Variants in LRP1B observed in about 807,000 individuals in gnomAD.
LRP1B encodes the protein LDL receptor related protein 1B.
Under a neutral mutation model 556.6 loss-of-function variants are expected in LRP1B, and 217 were observed. The ratio of observed to expected loss-of-function variants is 0.39; its 90% CI spans 0.35 to 0.44. The LOEUF (loss-of-function observed/expected upper bound fraction) is 0.44. Among genes scored for constraint, LRP1B ranks in the 20% least tolerant of loss-of-function variants. The pLI, the probability that LRP1B is intolerant of heterozygous loss-of-function variation, is 1.00. For missense variants in LRP1B, 5,053 were observed against 5,620.8 expected, an observed-to-expected ratio of 0.90 and a Z score of 3.23; for synonymous variants, 2,047 against 1,865.8, an observed-to-expected ratio of 1.10 and a Z score of -2.50.
chr2:140,688,897 A>G (rs1211287251), intron 41 of LRP1B, among the ~76,000 whole-genome samples: 1 of 152,178 alleles, frequency 6.6e-6, no homozygotes, highest in Non-Finnish European at 1.5e-5. Context: ...CCAGCTGGTT[A>G]CAGAAATTTG....
intron 60 of LRP1B, among the ~76,000 whole-genome samples, chr2:140,462,023 A>G (rs1687345931): frequency 6.6e-6 from 1 of 152,150 alleles, no homozygotes; most frequent in Admixed American, 6.5e-5. Context: ...TGAAGGAAAT[A>G]CCTAAACAAT....
At chr2:140,404,165 CTTCTT>C (rs1202562783) in intron 66 of LRP1B, among the ~76,000 whole-genome samples, 6 of 141,624 alleles carry the variant, frequency 4.2e-5, no homozygotes, top group African/African-American at 1.1e-4. Flanking sequence ...CAAAATAGAA[CTTCTT>C]TTTTTTTTTT....
chr2:141,890,329 T>TATATACATATATATATATATATATATAC (rs141276443), intron 1 of LRP1B, among the ~76,000 whole-genome samples: 3 of 118,736 alleles, frequency 2.5e-5, no homozygotes, highest in East Asian at 4.6e-4. Flanking sequence ...AATACATATA[T>TATATACATATATATATATATATATATAC]ATATATATAT....
intron 41 of LRP1B, among the ~76,000 whole-genome samples, chr2:140,614,213 C>T (rs1683180305): frequency 6.6e-6 from 1 of 152,094 alleles, no homozygotes; most frequent in Non-Finnish European, 1.5e-5. Flanking sequence ...GTTTATGCTG[C>T]ACCTTACCCC....
chr2:141,640,958 T>C (rs1196880892), intron 2 of LRP1B, among the ~76,000 whole-genome samples: 1 of 152,194 alleles, frequency 6.6e-6, no homozygotes, highest in Non-Finnish European at 1.5e-5. Context: ...TTTGTATCCT[T>C]GGGGCCTGCC....
intron 1 of LRP1B, among the ~76,000 whole-genome samples, chr2:141,937,969 C>T (rs1700685974): frequency 6.6e-6 from 1 of 151,948 alleles, no homozygotes; most frequent in African/African-American, 2.4e-5. Context: ...ATTGTGTATT[C>T]TTGGTGCTTT....
intron 3 of LRP1B, among the ~76,000 whole-genome samples, chr2:141,285,701 C>T (rs928850241): frequency 1.4e-5 from 2 of 147,212 alleles, no homozygotes; most frequent in Admixed American, 1.3e-4. Flanking sequence ...GGTAATCCGC[C>T]CACCTCGGCC....
At chr2:141,856,929 T>C (rs1489926245) in intron 1 of LRP1B, among the ~76,000 whole-genome samples, 1 of 152,074 alleles carries the variant, frequency 6.6e-6, no homozygotes, top group East Asian at 1.9e-4. Context: ...AAAAAAAAGT[T>C]TGAAGTCAGT....
At chr2:141,717,781 A>T (rs1692662029) in intron 2 of LRP1B, among the ~76,000 whole-genome samples, 1 of 152,238 alleles carries the variant, frequency 6.6e-6, no homozygotes, top group South Asian at 2.1e-4. Context: ...ATGATACTTT[A>T]AATTTTGGAA....
chr2:141,789,378 C>T (rs1695533915), intron 2 of LRP1B, among the ~76,000 whole-genome samples: 1 of 151,732 alleles, frequency 6.6e-6, no homozygotes, highest in Non-Finnish European at 1.5e-5. Flanking sequence ...TACTATCAAC[C>T]ACAACGCCAA....
At chr2:141,100,724 T>C (rs80327448) in intron 7 of LRP1B, among the ~76,000 whole-genome samples, 13,261 of 152,130 alleles carry the variant, frequency 0.087, 642 homozygotes, top group South Asian at 0.14. Flanking sequence ...GTTGGAATAG[T>C]GTGGAGCATG....
At chr2:140,988,759 T>A (rs1281075838) in intron 17 of LRP1B, among the ~76,000 whole-genome samples, 2 of 152,136 alleles carry the variant, frequency 1.3e-5, no homozygotes, top group East Asian at 3.9e-4. Context: ...GTTGATGGGG[T>A]GATTAATATG....
intron 3 of LRP1B, among the ~76,000 whole-genome samples, chr2:141,378,840 A>G (rs531413588): frequency 1.3e-5 from 2 of 152,222 alleles, no homozygotes; most frequent in South Asian, 2.1e-4. Context: ...CTGAAAGCCC[A>G]AATATGAAGA....
intron 10 of LRP1B, 102 bp from the exon 11 acceptor site, chr2:141,049,324 T>G (rs531892922): frequency 2.6e-6 from 2 of 763,528 alleles, no homozygotes; most frequent in African/African-American, 3.5e-5. Flanking sequence ...TTTTTTAAAT[T>G]CAATGCTAAA....
At chr2:141,550,977 T>C (rs1353742063) in intron 2 of LRP1B, among the ~76,000 whole-genome samples, 2 of 152,050 alleles carry the variant, frequency 1.3e-5, no homozygotes, top group East Asian at 3.8e-4. Context: ...AATAAAAATT[T>C]ACATCCTATC....
intron 41 of LRP1B, among the ~76,000 whole-genome samples, chr2:140,683,184 C>G (rs1685925353): frequency 6.6e-6 from 1 of 152,020 alleles, no homozygotes; most frequent in African/African-American, 2.4e-5. Context: ...CAAGGAGGAT[C>G]CCATTAAGAA....
rs533192445 is a variant in LRP1B at position 140,486,647 on chromosome 2, C to A, written c.9243+970G>T. Among the ~76,000 whole-genome samples, 4 of 151,710 alleles carry A rather than the reference C, an allele frequency of 2.6e-5. No individual in the cohort carries two copies. In the East Asian group the frequency reaches 7.7e-4, roughly 29 times the overall value. ...AATGTATTGTAATGAAATATATGATCAAGTTTGAGTAATATAATCTTCACA... is the reference window on the plus strand; with the variant it reads ...AATGTATTGTAATGAAATATATGATAAAGTTTGAGTAATATAATCTTCACA... On this transcript the variant is annotated intron_variant, in intron 58 of 90. Transcript: ENST00000389484.
At chr2:140,915,180 A>G (rs1694538389) in intron 21 of LRP1B, among the ~76,000 whole-genome samples, 1 of 152,200 alleles carries the variant, frequency 6.6e-6, no homozygotes, top group Admixed American at 6.5e-5. Flanking sequence ...AGGTGATTTA[A>G]TGAAATGAAG....
chr2:140,911,774 CT>C, intron 21 of LRP1B, among the ~76,000 whole-genome samples: 1 of 151,676 alleles, frequency 6.6e-6, no homozygotes, highest in Admixed American at 6.6e-5. Flanking sequence ...ATGCAACTTC[CT>C]TTTTTTGTTT....
Sources: allele counts gnomAD v4.1 joint callset (sites outside exome capture counted in the v4.1 genomes callset), GRCh38; gene constraint gnomAD v4.1.1; transcripts MANE v1.5; gene names NCBI Gene and HGNC (gene_info 2026-07-23, HGNC 2026-07-21).